Variants in FBN1 observed in about 807,000 individuals in gnomAD.
FBN1 encodes the protein fibrillin 1.
Under a neutral mutation model 365.1 loss-of-function variants are expected in FBN1, and 29 were observed. That is an observed-to-expected ratio of 0.08 (90% CI 0.06 to 0.11). The LOEUF (loss-of-function observed/expected upper bound fraction) is 0.11, where lower values mean the gene tolerates loss of function less well. Ranked by LOEUF, FBN1 falls within the 10% of genes least tolerant of loss-of-function variation. FBN1 has a pLI of 1.00. For missense variants in FBN1, 2,476 were observed against 3,703.2 expected (o/e 0.67, Z 8.60); for synonymous variants, 1,210 against 1,270.5 (o/e 0.95, Z 1.01).
intron 44 of FBN1, among the ~76,000 whole-genome samples, chr15:48,455,386 G>T (rs2043231121): frequency 6.6e-6 from 1 of 152,188 alleles, no homozygotes; most frequent in Non-Finnish European, 1.5e-5. Context: ...GCAAATATAA[G>T]TGGTTAAAAG....
intron 6 of FBN1, among the ~76,000 whole-genome samples, chr15:48,555,415 C>T (rs1323312690): frequency 2.6e-5 from 4 of 152,170 alleles, no homozygotes; most frequent in African/African-American, 7.2e-5. Context: ...CTGGTTGTCT[C>T]GCCCTTGACC....
At chr15:48,528,845 C>T (rs995843581) in intron 8 of FBN1, 1 of 152,166 alleles carries the variant, frequency 6.6e-6, no homozygotes, top group South Asian at 2.1e-4. Flanking sequence ...TTTCCTAAAC[C>T]ACCTTGTTTC....
intron 36 of FBN1, among the ~76,000 whole-genome samples, chr15:48,469,093 T>A (rs934870488): frequency 4.8e-5 from 5 of 103,308 alleles, no homozygotes; most frequent in South Asian, 5.8e-4. Context: ...TATATATATA[T>A]AAAATATAAT....
chr15:48,558,486 C>A (rs1266667801), intron 6 of FBN1, among the ~76,000 whole-genome samples: 1 of 152,242 alleles, frequency 6.6e-6, no homozygotes, highest in Admixed American at 6.5e-5. Flanking sequence ...CCCAGTCAAG[C>A]AAAGCATAGT....
At chr15:48,633,086 G>A (rs1890018208) in intron 2 of FBN1, among the ~76,000 whole-genome samples, 1 of 152,164 alleles carries the variant, frequency 6.6e-6, no homozygotes, top group South Asian at 2.1e-4. Context: ...TATTCCAAAT[G>A]GCAGTTCTGC....
intron 1 of FBN1, among the ~76,000 whole-genome samples, chr15:48,645,236 T>C (rs898404587): frequency 6.6e-6 from 1 of 151,902 alleles, no homozygotes; most frequent in Non-Finnish European, 1.5e-5. Context: ...TCTGGGTTTA[T>C]TTTTTTTAGC....
rs2043210015 is a variant in FBN1 at position 48,452,630 on chromosome 15, T to C, written c.5477A>G (p.Asn1826Ser). The change falls in exon 45 of 66, where the codon AAC (asparagine) becomes AGC (serine). Residue 1826 changes from asparagine (N) to serine (S), a missense_variant. Transcript: ENST00000316623. Reference protein sequence around the residue: ...PVCQRNAECINTAGSYRCDCK... With the variant: ...PVCQRNAECISTAGSYRCDCK... The stretch of plus-strand genomic sequence containing the variant: ...GTCACAGCGGTAGCTGCCTGCAGTG[T>C]TGATGCATTCGGCGTTGCGCTGGCA... 1 of 1,614,176 alleles carries C rather than the reference T, an allele frequency of 6.2e-7. No individual in the cohort carries two copies.
At chr15:48,556,007 A>G (rs2044177559) in intron 6 of FBN1, among the ~76,000 whole-genome samples, 1 of 152,200 alleles carries the variant, frequency 6.6e-6, no homozygotes, top group Non-Finnish European at 1.5e-5. Context: ...AGGCCTTTCC[A>G]AAGTAGTAAT....
chr15:48,472,423 C>A (rs954293830), intron 35 of FBN1, 128 bp downstream of exon 35: 70 of 1,308,228 alleles, frequency 5.4e-5, no homozygotes, highest in Admixed American at 1.5e-4. Flanking sequence ...ACTGAACTGA[C>A]CAGCTTAGAA....
At position 48,452,579 on chromosome 15, in the gene FBN1, G is replaced by A; in HGVS notation, c.5528C>T (p.Ser1843Phe). 6.2e-7 allele frequency: 1 copy of A among 1,614,150 alleles called. No homozygotes were observed. Among genetic ancestry groups the A allele is most frequent in the Non-Finnish European group, 8.5e-7 (1 of 1,180,004 alleles). Residue 1843 changes from serine to phenylalanine, a missense_variant, in exon 45 of 66, where the codon TCC becomes TTC. Physicochemically the swap from Ser to Phe is radical, Grantham distance 155. This residue lies in a region of FBN1 where 1,780 missense variants were observed against 2,840.8 expected (regional missense o/e 0.63). Coordinates refer to ENST00000316623, the MANE Select transcript of FBN1 (RefSeq NM_000138.5). ...CDCKPGYRFT[S>F]TGQCNDRNEC... The stretch of plus-strand genomic sequence containing the variant: ...CTACATACCATTGCACTGTCCTGTG[G>A]AGGTGAAGCGGTAGCCGGGCTTACA...
At position 48,568,341 on chromosome 15, in the gene FBN1, C is replaced by T. The variant is rs192023059; in HGVS notation, c.538+27942G>A. Among the ~76,000 whole-genome samples the T allele has an allele frequency of 3.6e-3, 549 of 152,098 alleles. 3 individuals carry two copies. Among genetic ancestry groups the T allele is most frequent in the Admixed American group, 7.5e-3 (115 of 15,282 alleles). The stretch of plus-strand genomic sequence containing the variant: ...TGCATAATTTGTGCACTGAACAAAA[C>T]ATTGCCAAGATAAGTCGAAAAATCT... On this transcript the variant is annotated intron_variant, in intron 6 of 65. Coordinates refer to ENST00000316623, the MANE Select transcript of FBN1 (RefSeq NM_000138.5).
At chr15:48,429,920 A>G (rs2043011950) in intron 56 of FBN1, among the ~76,000 whole-genome samples, 1 of 152,258 alleles carries the variant, frequency 6.6e-6, no homozygotes, top group Non-Finnish European at 1.5e-5. Flanking sequence ...TGTAATTATT[A>G]TCTAAGCAGA....
chr15:48,592,123 T>A (rs2044482260), intron 6 of FBN1, among the ~76,000 whole-genome samples: 1 of 152,218 alleles, frequency 6.6e-6, no homozygotes, highest in Admixed American at 6.5e-5. Context: ...ATGATTCTCA[T>A]TCTCAGACCT....
chr15:48,492,608 A>T (rs1192310420), intron 23 of FBN1, 22 bp from the exon 24 acceptor site: 1 of 1,485,076 alleles, frequency 6.7e-7, no homozygotes, highest in Non-Finnish European at 9.3e-7. Context: ...AAAAAAGTAT[A>T]AAGTTAATAT....
At chr15:48,511,193 G>C (rs1190120962) in intron 13 of FBN1, among the ~76,000 whole-genome samples, 1 of 152,286 alleles carries the variant, frequency 6.6e-6, no homozygotes, top group East Asian at 1.9e-4. Context: ...CTGTGTCTGT[G>C]TGGTGTCTTG....
In FBN1 at chr15:48,513,539, A is replaced by C. The variant is rs761924614; in HGVS notation, c.1588+10T>G. 5.0e-6 allele frequency: 8 copies of C among 1,613,978 alleles called. No homozygotes were observed. Among genetic ancestry groups the C allele is most frequent in the Non-Finnish European group, 6.8e-6 (8 of 1,179,880 alleles). ...TGTCCCACATTCCACGTCAGGAGCCAGGACCATACCTCGGCATTCTGTCCG... is the reference window on the plus strand; with the variant it reads ...TGTCCCACATTCCACGTCAGGAGCCCGGACCATACCTCGGCATTCTGTCCG... On this transcript the variant is annotated intron_variant, in intron 13 of 65. Transcript: ENST00000316623.
At chr15:48,600,373 C>T (rs2044552892) in intron 4 of FBN1, 139 bp from the exon 5 acceptor site, 1 of 711,458 alleles carries the variant, frequency 1.4e-6, no homozygotes, top group Non-Finnish European at 2.5e-6. Context: ...TGATAATGAC[C>T]TAATTGAGAA....
At chr15:48,595,306 A>G (rs1303201893) in intron 6 of FBN1, among the ~76,000 whole-genome samples, 1 of 152,234 alleles carries the variant, frequency 6.6e-6, no homozygotes, top group East Asian at 1.9e-4. Flanking sequence ...CTGAATCTTT[A>G]CTTTCCATCT....
intron 31 of FBN1, 71 bp from the exon 32 acceptor site, chr15:48,481,851 A>T: frequency 7.0e-7 from 1 of 1,437,064 alleles, no homozygotes; most frequent in Non-Finnish European, 9.8e-7. Context: ...TCGAGACATA[A>T]TAACTATGAC....
Sources: allele counts gnomAD v4.1 joint callset (sites outside exome capture counted in the v4.1 genomes callset), GRCh38; gene constraint gnomAD v4.1.1; regional missense constraint gnomAD v4.1.1; transcripts MANE v1.5; gene names NCBI Gene and HGNC (gene_info 2026-07-23, HGNC 2026-07-21).